Variants in DEPDC5 observed in about 807,000 individuals in gnomAD.
DEPDC5 encodes the protein DEP domain containing 5, GATOR1 subcomplex subunit.
Under a neutral mutation model 217.3 loss-of-function variants are expected in DEPDC5, and 73 were observed. That is an observed-to-expected ratio of 0.34 (90% CI 0.28 to 0.41). The LOEUF (loss-of-function observed/expected upper bound fraction) is 0.41. Among genes scored for constraint, DEPDC5 ranks in the 10% least tolerant of loss-of-function variants. The probability of loss-of-function intolerance (pLI) is 1.00; values close to 1 mark genes in which losing one functional copy is unlikely to be tolerated. For synonymous variants in DEPDC5, 733 were observed against 756.7 expected, an observed-to-expected ratio of 0.97 and a Z score of 0.51; for missense variants, 1,675 against 2,070.1, an observed-to-expected ratio of 0.81 and a Z score of 3.70.
chr22:31,773,220 C>T (rs957525769), intron 7 of DEPDC5, among the ~76,000 whole-genome samples: 1 of 152,116 alleles, frequency 6.6e-6, no homozygotes, highest in Non-Finnish European at 1.5e-5. Flanking sequence ...GATGGGCTTC[C>T]TCTATCGCCC....
chr22:31,807,935 C>T lies in DEPDC5; in HGVS notation c.1288-1676C>T, dbSNP rs148926129. 3.3e-5 allele frequency among the ~76,000 whole-genome samples: 5 copies of T among 152,112 alleles called. No individual in the cohort carries two copies. In the East Asian group the frequency reaches 9.7e-4, roughly 29 times the overall value. On this transcript the variant is annotated intron_variant, in intron 18 of 42. Transcript: ENST00000651528. ...GGGGAGGGCTGTTAATGTTACTCTT[C>T]TAATAAGGGAAATACTAATTTGGAG...
chr22:31,802,274 G>A (rs992089495), intron 14 of DEPDC5, among the ~76,000 whole-genome samples: 1 of 151,726 alleles, frequency 6.6e-6, no homozygotes, highest in East Asian at 1.9e-4. Context: ...GATTACAGGT[G>A]CACATCACCA....
chr22:31,834,186 GGAA>G (rs2090820011), intron 25 of DEPDC5: 2 of 608,562 alleles, frequency 3.3e-6, no homozygotes. Flanking sequence ...GACCTGTTTT[GGAA>G]GGTGATTCAG....
chr22:31,813,822 G>A (rs2088738324), intron 20 of DEPDC5: 1 of 151,928 alleles, frequency 6.6e-6, no homozygotes, highest in African/African-American at 2.4e-5. Context: ...AATTTTGGAT[G>A]GAATATTTTA....
chr22:31,762,424 T>C (rs2082472279), intron 4 of DEPDC5, among the ~76,000 whole-genome samples: 2 of 152,186 alleles, frequency 1.3e-5, no homozygotes, highest in African/African-American at 4.8e-5. Context: ...AAGATACTCT[T>C]TTAAATAGTT....
intron 37 of DEPDC5, among the ~76,000 whole-genome samples, 157 bp from the exon 38 acceptor site, chr22:31,879,368 G>A (rs1048176570): frequency 4.5e-4 from 68 of 151,874 alleles, no homozygotes; most frequent in African/African-American, 1.5e-3. Flanking sequence ...TTGCCTATTT[G>A]CTACGTTTCA....
intron 38 of DEPDC5, 118 bp downstream of exon 38, chr22:31,879,870 C>G: frequency 1.0e-6 from 1 of 973,788 alleles, no homozygotes. Context: ...GAGGCCGTCA[C>G]ACAGGCCACT....
At chr22:31,782,511 T>C (rs2084557570) in intron 8 of DEPDC5, among the ~76,000 whole-genome samples, 1 of 152,218 alleles carries the variant, frequency 6.6e-6, no homozygotes, top group Non-Finnish European at 1.5e-5. Flanking sequence ...TTACGTTCCC[T>C]CTAAACTTCT....
intron 36 of DEPDC5, chr22:31,875,277 A>G (rs953164398): frequency 2.4e-5 from 4 of 166,950 alleles, no homozygotes; most frequent in African/African-American, 9.6e-5. Context: ...TATTCAAATA[A>G]TGAAATGCTA....
chr22:31,764,672 T>C (rs1023792618), intron 4 of DEPDC5, among the ~76,000 whole-genome samples: 1 of 152,174 alleles, frequency 6.6e-6, no homozygotes, highest in Non-Finnish European at 1.5e-5. Context: ...TGCCTAGACC[T>C]CCCAAAGTGC....
chr22:31,805,427 T>C (rs2087396601), intron 17 of DEPDC5, among the ~76,000 whole-genome samples: 1 of 152,178 alleles, frequency 6.6e-6, no homozygotes, highest in Non-Finnish European at 1.5e-5. Flanking sequence ...CCTCCTGTGC[T>C]GCCCTGATAG....
At chr22:31,781,520 C>T (rs903125757) in intron 8 of DEPDC5, among the ~76,000 whole-genome samples, 1 of 151,942 alleles carries the variant, frequency 6.6e-6, no homozygotes, top group East Asian at 1.9e-4. Flanking sequence ...ACAACCTCCG[C>T]CCCCGGGGTT....
At chr22:31,823,833 C>G (rs895484827) in intron 24 of DEPDC5, among the ~76,000 whole-genome samples, 2 of 152,064 alleles carry the variant, frequency 1.3e-5, no homozygotes, top group African/African-American at 4.8e-5. Context: ...AGCCAGGTAT[C>G]CTGACTCAGG....
chr22:31,789,111 G>A (rs1601848529), intron 10 of DEPDC5, among the ~76,000 whole-genome samples: 1 of 152,080 alleles, frequency 6.6e-6, no homozygotes, highest in East Asian at 1.9e-4. Flanking sequence ...TGGCCAGGCT[G>A]GTCTCGAACT....
chr22:31,799,699 A>G (rs1161356079), intron 14 of DEPDC5, among the ~76,000 whole-genome samples: 1 of 141,098 alleles, frequency 7.1e-6, no homozygotes, highest in Admixed American at 7.3e-5. Context: ...ATGAGGTTTC[A>G]CCGTATTGGC....
chr22:31,827,016 C>A (rs895731285), intron 24 of DEPDC5, among the ~76,000 whole-genome samples: 2 of 151,678 alleles, frequency 1.3e-5, no homozygotes, highest in African/African-American at 4.8e-5. Context: ...ACCTCAGCAT[C>A]CCAAATAGTT....
rs1555918456 is a variant in DEPDC5 at position 31,879,067 on chromosome 22, T to TACACATAC, written c.3806-453_3806-452insTACACACA. Among the ~76,000 whole-genome samples the TACACATAC allele has an allele frequency of 3.9e-3, 517 of 133,830 alleles. 2 individuals carry two copies. The highest frequency in any genetic ancestry group is 7.9e-3 in the Middle Eastern group (2 of 252). The allele number at this position is 133,830 out of a possible 152,430, so 87.8% of individuals were successfully genotyped here. On this transcript the variant is annotated intron_variant, in intron 37 of 42. Transcript: ENST00000651528. ...AAATATATATATATATATATATATATACACACACACACACGTATATATATA... is the reference window on the plus strand; with the variant it reads ...AAATATATATATATATATATATATATACACATACACACACACACACACGTATATATATA...
chr22:31,792,798 T>A lies in DEPDC5; in HGVS notation c.748T>A (p.Phe250Ile). ...AATTCGACAGGATCACAAGGGGAGA[T>A]TCTATGAAGACTTTTACAAGTATGT... is the stretch of plus-strand genomic sequence containing the variant. ...ASIRQDHKGR[F>I]YEDFYKVVVQ... The change falls in exon 12 of 43, where the codon TTC (phenylalanine) becomes ATC (isoleucine). Residue 250 changes from phenylalanine to isoleucine, a missense_variant. Coordinates refer to ENST00000651528, the MANE Select transcript of DEPDC5 (RefSeq NM_001242896.3). The A allele has an allele frequency of 6.5e-7, 1 of 1,541,140 alleles. No individual in the cohort carries two copies. The highest frequency in any genetic ancestry group is 8.7e-7 in the Non-Finnish European group (1 of 1,155,228).
rs1017021508 is a variant in DEPDC5, at chr22:31,791,873, G to A, written c.625-160G>A. On this transcript the variant is annotated intron_variant, in intron 10 of 42. Transcript: ENST00000651528. The stretch of plus-strand genomic sequence containing the variant: ...ACCCAGGAGGCGGAGGTTGCAGTGA[G>A]CCAAGATAGCGCCACTGCACTCCAG... 3.8e-5 allele frequency among the ~76,000 whole-genome samples: 5 copies of A among 132,358 alleles called. No homozygotes were observed. The Admixed American group carries it at 4.6e-4, about 12-fold the overall frequency. 86.8% of individuals were successfully genotyped at this position (132,358 alleles called of 152,430 possible). A position where few individuals can be genotyped will look rare whatever the true frequency, so the allele number is the denominator to read the frequency against.
Sources: gnomAD v4.1 joint callset for allele counts (sites outside exome capture counted in the v4.1 genomes callset) on GRCh38, gnomAD v4.1.1 for gene constraint, MANE v1.5 for transcripts, NCBI Gene and HGNC (gene_info 2026-07-23, HGNC 2026-07-21) for gene names.